Variants in DAPK3 observed in about 807,000 individuals in gnomAD.
DAPK3 encodes the protein death associated protein kinase 3.
In DAPK3, 24 loss-of-function variants were observed where a neutral mutation model predicts 30.6. The observed-to-expected ratio is 0.78, with a 90% confidence interval of 0.57 to 1.10. The LOEUF (loss-of-function observed/expected upper bound fraction) is 1.10, where lower values mean the gene tolerates loss of function less well. Ranked by LOEUF, DAPK3 falls within the 50% of genes least tolerant of loss-of-function variation. The probability of loss-of-function intolerance (pLI) is 0.00; values close to 1 mark genes in which losing one functional copy is unlikely to be tolerated. For missense variants in DAPK3, 629 were observed against 657.3 expected (o/e 0.96, Z 0.47); for synonymous variants, 341 against 284.0 (o/e 1.20, Z -2.02).
rs1329355549 is a variant in DAPK3 at position 3,959,187 on chromosome 19, C to T, written c.1279G>A (p.Val427Ile). ...TGCACGAAGCGCATCTCGGAGGCTA[C>T]TTGCTTGGCCAGCGCCTCGTAGCGG... is the stretch of plus-strand genomic sequence containing the variant. ...ENRYEALAKQVASEMRFVQDL... is the reference protein window; with the variant it reads ...ENRYEALAKQIASEMRFVQDL... The change falls in exon 9 of 9, where the codon GTA becomes ATA. Residue 427 changes from valine (V) to isoleucine (I), a missense_variant. This residue lies in a region of DAPK3 where 323 missense variants were observed against 278.8 expected (regional missense o/e 1.16). Coordinates refer to ENST00000545797, the MANE Select transcript of DAPK3 (RefSeq NM_001348.3). 6.3e-7 allele frequency: 1 copy of T among 1,599,034 alleles called. No homozygotes were observed. The highest frequency in any genetic ancestry group is 2.2e-5 in the East Asian group (1 of 44,668).
At chr19:3,967,107 T>G (rs1018455380) in intron 2 of DAPK3, among the ~76,000 whole-genome samples, 1 of 152,176 alleles carries the variant, frequency 6.6e-6, no homozygotes, top group Admixed American at 6.6e-5. Flanking sequence ...GACCCAAGCG[T>G]GGCCTACACA....
intron 8 of DAPK3, 50 bp downstream of exon 8, chr19:3,960,009 G>A (rs773876931): frequency 1.2e-5 from 13 of 1,042,700 alleles, no homozygotes; most frequent in Middle Eastern, 2.0e-4. Context: ...GGACCCCAGC[G>A]AGAAGGCCAA....
intron 2 of DAPK3, among the ~76,000 whole-genome samples, chr19:3,967,431 C>T (rs1475662870): frequency 1.3e-5 from 2 of 149,272 alleles, no homozygotes; most frequent in East Asian, 2.0e-4. Context: ...CCAGCCCGGG[C>T]GACACTGCAA....
At chr19:3,963,560 C>T (rs1279462617) in intron 6 of DAPK3, 83 bp downstream of exon 6, 5 of 856,026 alleles carry the variant, frequency 5.8e-6, no homozygotes, top group Non-Finnish European at 7.3e-6. Context: ...CTGGGGACCC[C>T]TGGCGTCCAC....
At chr19:3,967,443 A>T (rs1229625727) in intron 2 of DAPK3, among the ~76,000 whole-genome samples, 1 of 139,910 alleles carries the variant, frequency 7.1e-6, no homozygotes, top group Non-Finnish European at 1.5e-5. Context: ...ACACTGCAAG[A>T]CTCCGTCTCA....
Position 3,960,124 on chromosome 19 carries a change from GT to G in DAPK3, c.783-21del. On this transcript the variant is annotated intron_variant, in intron 7 of 8. Transcript: ENST00000545797. The stretch of plus-strand genomic sequence containing the variant: ...CTCCGCCTGGAAGACCCCCGCTCTG[GT>G]TAGGTACACCTGCACCATCTGTCCC... 2 of 1,430,156 alleles carry G rather than the reference GT, an allele frequency of 1.4e-6. No homozygotes were observed. The highest frequency in any genetic ancestry group is 2.0e-6 in the Non-Finnish European group (2 of 1,012,804). The allele number at this position is 1,430,156 out of a possible 1,614,324, so 88.6% of individuals were successfully genotyped here.
chr19:3,961,802 G>T (rs1424344730), intron 6 of DAPK3: 1 of 296,036 alleles, frequency 3.4e-6, no homozygotes, highest in East Asian at 7.9e-5. Context: ...GCCGTGTGGG[G>T]ACCTCAGAGA....
chr19:3,961,519 C>T (rs970296632), intron 6 of DAPK3: 3 of 522,858 alleles, frequency 5.7e-6, no homozygotes, highest in Non-Finnish European at 1.2e-5. Flanking sequence ...GCCAAAGGAT[C>T]AAGGTCAACA....
chr19:3,968,772 T>A (rs796516296), intron 2 of DAPK3, among the ~76,000 whole-genome samples: 1 of 152,174 alleles, frequency 6.6e-6, no homozygotes. Flanking sequence ...CTCCCTAGCC[T>A]GACACAGAGC....
At chr19:3,969,226 A>G (rs1350849906) in intron 2 of DAPK3, among the ~76,000 whole-genome samples, 3 of 151,762 alleles carry the variant, frequency 2.0e-5, no homozygotes, top group Admixed American at 6.6e-5. Context: ...GCCTCCTCCA[A>G]CTCCTGGGCT....
chr19:3,961,354 C>T, intron 6 of DAPK3, 193 bp from the exon 7 acceptor site: 2 of 726,642 alleles, frequency 2.8e-6, no homozygotes, highest in Non-Finnish European at 5.2e-6. Context: ...CAAAATCCAC[C>T]CCCCCACCCC....
In DAPK3 at chr19:3,959,430, G is replaced by GA; in HGVS notation, c.1035_1036insT (p.Arg346SerfsTer231). 1 of 1,552,172 alleles carries GA rather than the reference G, an allele frequency of 6.4e-7. No individual in the cohort carries two copies. Among genetic ancestry groups the GA allele is most frequent in the East Asian group, 2.4e-5 (1 of 42,384 alleles). On this transcript the variant is annotated frameshift_variant, in exon 9 of 9. Coordinates refer to ENST00000545797, the MANE Select transcript of DAPK3 (RefSeq NM_001348.3). LOFTEE classifies it low-confidence loss of function (END_TRUNC). ...TCCACGTCCTCGTGGCAGAGCCGCC[G>GA]GCTGCGCTGCAGCTCGCGCAGGCCC...
At chr19:3,962,381 G>A (rs1483383553) in intron 6 of DAPK3, among the ~76,000 whole-genome samples, 1 of 152,248 alleles carries the variant, frequency 6.6e-6, no homozygotes, top group African/African-American at 2.4e-5. Flanking sequence ...ACTACAGCGG[G>A]CTGGGCCCAC....
chr19:3,960,966 G>A (rs907390492), intron 7 of DAPK3, 43 bp downstream of exon 7: 4 of 1,603,130 alleles, frequency 2.5e-6, no homozygotes, highest in South Asian at 2.2e-5. Flanking sequence ...GAGTGGGCCT[G>A]TGTCCCATGT....
At position 3,963,918 on chromosome 19, in the gene DAPK3, G is replaced by A; in HGVS notation, c.555C>T (p.Ala185=). 1.3e-6 allele frequency: 2 copies of A among 1,598,414 alleles called. No individual in the cohort carries two copies. Among genetic ancestry groups the A allele is most frequent in the Non-Finnish European group, 1.7e-6 (2 of 1,167,350 alleles). Residue 185 remains alanine, a splice_region_variant and synonymous_variant, in exon 5 of 9, where the codon GCC becomes GCT. Coordinates refer to ENST00000545797, the MANE Select transcript of DAPK3 (RefSeq NM_001348.3). ...KNIFGTPEFV[A]PEIVNYEPLG... ...GCGGCTCATAGTTCACAATCTCTGG[G>A]GCTGCAGAACAGGGAGATGTGGGTC... is the stretch of plus-strand genomic sequence containing the variant.
In DAPK3 at chr19:3,964,971, C is replaced by CTTCTGCCG. The variant is rs1350601387; in HGVS notation, c.82_83insCGGCAGAA (p.Arg28ProfsTer32). On this transcript the variant is annotated frameshift_variant, in exon 3 of 9. Transcript: ENST00000545797. LOFTEE classifies it high-confidence loss of function. ...GCCCGTGCCCTTCTGCCGGCACTTC[C>CTTCTGCCG]GCACGATCGCAAACTGGCCGCTGGA... The CTTCTGCCG allele has an allele frequency of 6.2e-7, 1 of 1,606,554 alleles. No individual in the cohort carries two copies. The highest frequency in any genetic ancestry group is 8.5e-7 in the Non-Finnish European group (1 of 1,175,490).
chr19:3,961,190 G>A, intron 6 of DAPK3, 29 bp from the exon 7 acceptor site: 6 of 1,592,772 alleles, frequency 3.8e-6, no homozygotes, highest in Admixed American at 1.7e-5. Flanking sequence ...GGCTCAGTGG[G>A]GTCCTGGGCT....
chr19:3,966,450 G>A (rs1273219819), intron 2 of DAPK3, among the ~76,000 whole-genome samples: 2 of 152,178 alleles, frequency 1.3e-5, no homozygotes, highest in East Asian at 3.9e-4. Context: ...GGCTCTGAAC[G>A]CCTGCTGGGA....
At position 3,959,689 on chromosome 19, in the gene DAPK3, C is replaced by A. The variant is rs772772356; in HGVS notation, c.829-52G>T. ...GTCCCCGCGATGCCACCCAGCCCCG[C>A]CAGCCCCCACCTGCCAGTGTGAACT... is the stretch of plus-strand genomic sequence containing the variant. On this transcript the variant is annotated intron_variant, in intron 8 of 8. Transcript: ENST00000545797. The A allele has an allele frequency of 2.0e-6, 3 of 1,485,920 alleles. No individual in the cohort carries two copies. In the Admixed American group the frequency reaches 6.5e-5, roughly 32 times the overall value. 92.0% of individuals were successfully genotyped at this position (1,485,920 alleles called of 1,614,324 possible).
Sources: allele counts gnomAD v4.1 joint callset (sites outside exome capture counted in the v4.1 genomes callset), GRCh38; gene constraint gnomAD v4.1.1; regional missense constraint gnomAD v4.1.1; transcripts MANE v1.5; gene names NCBI Gene and HGNC (gene_info 2026-07-23, HGNC 2026-07-21).